The following ROCK2 variants were observed in gnomAD, a reference collection of about 807,000 sequenced individuals.
ROCK2 encodes the protein rho-associated protein kinase 2.
In ROCK2, 61 loss-of-function variants were observed where a neutral mutation model predicts 195.1. The observed-to-expected ratio is 0.31, with a 90% CI of 0.25 to 0.39. ROCK2 has a LOEUF of 0.39. ROCK2 is among the 10% of genes least tolerant of loss of function. ROCK2 has a pLI of 1.00. For synonymous variants in ROCK2, 504 were observed against 545.5 expected, an observed-to-expected ratio of 0.92 and a Z score of 1.06; for missense variants, 1,109 against 1,637.4, an observed-to-expected ratio of 0.68 and a Z score of 5.57.
intron 32 of ROCK2, among the ~76,000 whole-genome samples, chr2:11,188,620 TTTA>T (rs150217916): frequency 0.4 from 60,727 of 150,010 alleles, 13,338 homozygotes; most frequent in Admixed American, 0.52. Context: ...TTATTTTATT[TTTA>T]TTTTTTTATT....
In ROCK2 at chr2:11,182,860, A is replaced by G. The variant is rs1663057320; in HGVS notation, c.*577T>C. On this transcript the variant is annotated 3_prime_UTR_variant, in exon 33 of 33. Coordinates refer to ENST00000315872, the MANE Select transcript of ROCK2 (RefSeq NM_004850.5). ...CAACATTATGGCTTTATACAAGTGC[A>G]TAGTTGCAACTGCAGCAAGTAATGA... 6.6e-6 allele frequency: 1 copy of G among 152,622 alleles called. No homozygotes were observed. The highest frequency in any genetic ancestry group is 1.5e-5 in the Non-Finnish European group (1 of 68,024). The allele number at this position is 152,622 out of a possible 1,614,324, so 9.5% of individuals were successfully genotyped here.
At position 11,244,069 on chromosome 2, in the gene ROCK2, T is replaced by C. The variant is rs147967050; in HGVS notation, c.462+5592A>G. 3.6e-3 allele frequency among the ~76,000 whole-genome samples: 545 copies of C among 152,310 alleles called. 3 individuals carry two copies. The highest frequency in any genetic ancestry group is 0.012 in the African/African-American group (490 of 41,566). On this transcript the variant is annotated intron_variant, in intron 4 of 32. Coordinates refer to ENST00000315872, the MANE Select transcript of ROCK2 (RefSeq NM_004850.5). ...CACACCAGCATTAACAGATGAGTAT[T>C]TGCACTTAATTTTGATGATAGGAAA...
intron 1 of ROCK2, among the ~76,000 whole-genome samples, chr2:11,322,327 A>C (rs1431145614): frequency 6.6e-6 from 1 of 152,012 alleles, no homozygotes; most frequent in African/African-American, 2.4e-5. Context: ...AAAAAGAATA[A>C]GAAAAAATAA....
At chr2:11,315,011 A>G (rs1421334349) in intron 1 of ROCK2, among the ~76,000 whole-genome samples, 2 of 152,044 alleles carry the variant, frequency 1.3e-5, no homozygotes, top group Admixed American at 6.6e-5. Context: ...AAGTATCTAT[A>G]TATCAGACAC....
At chr2:11,196,547 C>T (rs1016875557) in intron 27 of ROCK2, among the ~76,000 whole-genome samples, 6 of 152,236 alleles carry the variant, frequency 3.9e-5, no homozygotes, top group African/African-American at 1.4e-4. Context: ...ATTCATGCAG[C>T]AGTTTATTTT....
chr2:11,277,383 T>A (rs1216782097), intron 3 of ROCK2, among the ~76,000 whole-genome samples: 1 of 152,068 alleles, frequency 6.6e-6, no homozygotes. Flanking sequence ...TTTAGTTACA[T>A]GAGTAAGCTC....
chr2:11,253,249 G>T (rs1025294864), intron 3 of ROCK2, among the ~76,000 whole-genome samples: 1 of 152,058 alleles, frequency 6.6e-6, no homozygotes, highest in Non-Finnish European at 1.5e-5. Context: ...CCACCTTCCC[G>T]ACTTAAATCT....
In ROCK2 at chr2:11,262,447, C is replaced by T. The variant is rs372403586; in HGVS notation, c.325-12649G>A. On this transcript the variant is annotated intron_variant, in intron 3 of 32. Coordinates refer to ENST00000315872, the MANE Select transcript of ROCK2 (RefSeq NM_004850.5). ...TACATGGTGATATGGTGTGGCTGTG[C>T]CCCCAAACAAATCTCATCTTGAATT... 2.6e-5 allele frequency among the ~76,000 whole-genome samples: 4 copies of T among 152,074 alleles called. No homozygotes were observed. In the East Asian group the frequency reaches 7.7e-4, roughly 29 times the overall value.
In ROCK2 at chr2:11,219,023, T is replaced by C; in HGVS notation, c.1263A>G (p.Leu421=). 1 of 1,457,684 alleles carries C rather than the reference T, an allele frequency of 6.9e-7. No individual in the cohort carries two copies. Among genetic ancestry groups the C allele is most frequent in the Non-Finnish European group, 9.4e-7 (1 of 1,065,626 alleles). The allele number at this position is 1,457,684 out of a possible 1,614,324, so 90.3% of individuals were successfully genotyped here. ...IGFTYYRENL[L]LSDSPSCRET... ...CTCTACAAGATGGAGAGTCACTTAA[T>C]AATCTACATGGAAGGGGGGAGAAAA... Residue 421 remains leucine (L), a synonymous_variant, in exon 10 of 33, where the codon TTA becomes TTG. Coordinates refer to ENST00000315872, the MANE Select transcript of ROCK2 (RefSeq NM_004850.5).
intron 27 of ROCK2, among the ~76,000 whole-genome samples, chr2:11,196,106 C>T (rs545541326): frequency 4.6e-5 from 7 of 152,180 alleles, no homozygotes; most frequent in Non-Finnish European, 7.4e-5. Flanking sequence ...CTAAAAAAAC[C>T]GCACAGAACA....
At chr2:11,216,301 T>G in intron 12 of ROCK2, 95 bp from the exon 13 acceptor site, 1 of 921,958 alleles carries the variant, frequency 1.1e-6, no homozygotes, top group Non-Finnish European at 1.7e-6. Context: ...ACTTGGTAGC[T>G]CTCCTTTATT....
intron 1 of ROCK2, among the ~76,000 whole-genome samples, chr2:11,303,086 A>G (rs1667756044): frequency 6.6e-6 from 1 of 152,216 alleles, no homozygotes; most frequent in South Asian, 2.1e-4. Context: ...AAAAAATTAA[A>G]AAGTTAAAGT....
chr2:11,324,781 T>C (rs1303356181), intron 1 of ROCK2, among the ~76,000 whole-genome samples: 2 of 152,278 alleles, frequency 1.3e-5, no homozygotes, highest in Non-Finnish European at 2.9e-5. Context: ...TATGTCTTGC[T>C]TGTATTATTT....
intron 12 of ROCK2, 87 bp from the exon 13 acceptor site, chr2:11,216,293 T>C: frequency 1.0e-6 from 1 of 968,962 alleles, no homozygotes; most frequent in Non-Finnish European, 1.6e-6. Context: ...ACATAATTAC[T>C]TGGTAGCTCT....
At chr2:11,281,816 T>A (rs1204318791) in intron 3 of ROCK2, among the ~76,000 whole-genome samples, 1 of 152,140 alleles carries the variant, frequency 6.6e-6, no homozygotes, top group Non-Finnish European at 1.5e-5. Context: ...AAGATCTATA[T>A]GAGGAAAACT....
intron 32 of ROCK2, among the ~76,000 whole-genome samples, chr2:11,185,665 GT>G (rs1663167830): frequency 6.6e-6 from 1 of 152,192 alleles, no homozygotes; most frequent in Non-Finnish European, 1.5e-5. Context: ...GGAGGCGGAA[GT>G]TGTAGTGAGC....
At position 11,201,486 on chromosome 2, in the gene ROCK2, A is replaced by G; in HGVS notation, c.2620-73T>C. 1 of 844,702 alleles carries G rather than the reference A, an allele frequency of 1.2e-6. No individual in the cohort carries two copies. The highest frequency in any genetic ancestry group is 2.0e-5 in the Admixed American group (1 of 48,998). The allele number at this position is 844,702 out of a possible 1,614,324, so 52.3% of individuals were successfully genotyped here. On this transcript the variant is annotated intron_variant, in intron 21 of 32. Coordinates refer to ENST00000315872, the MANE Select transcript of ROCK2 (RefSeq NM_004850.5). The surrounding 1 kb of genome is among the most constrained non-coding windows in gnomAD (Gnocchi z 4.6). ...ACTTCTACATTCAAAAGCTATTCAG[A>G]CAAAAAGGAGAATGAACACATACAA...
chr2:11,277,778 C>T (rs1666876951), intron 3 of ROCK2, among the ~76,000 whole-genome samples: 1 of 152,170 alleles, frequency 6.6e-6, no homozygotes, highest in African/African-American at 2.4e-5. Flanking sequence ...GTGAATGGTG[C>T]TGCTATAAAC....
chr2:11,184,075 C>G (rs1277431450), intron 32 of ROCK2, among the ~76,000 whole-genome samples: 1 of 152,176 alleles, frequency 6.6e-6, no homozygotes, highest in African/African-American at 2.4e-5. Flanking sequence ...ATTAACCAAA[C>G]TATTTTACAT....
Sources: allele counts gnomAD v4.1 joint callset (sites outside exome capture counted in the v4.1 genomes callset), GRCh38; gene constraint gnomAD v4.1.1; non-coding constraint Gnocchi (gnomAD v3.1); transcripts MANE v1.5; gene names NCBI Gene and HGNC (gene_info 2026-07-23, HGNC 2026-07-21).